Variants in NFXL1 observed in about 807,000 individuals in gnomAD.
The protein encoded by NFXL1 is nuclear transcription factor, X-box binding like 1.
In NFXL1, 66 loss-of-function variants were observed where a neutral mutation model predicts 123.3. That is an observed-to-expected ratio of 0.54 (90% confidence interval 0.44 to 0.66). NFXL1 has a LOEUF of 0.66. Ranked by LOEUF, NFXL1 falls within the 30% of genes least tolerant of loss-of-function variation. The pLI is 0.00. For synonymous variants in NFXL1, 346 were observed against 360.8 expected (o/e 0.96, Z 0.46); for missense variants, 944 against 1,125.6 (o/e 0.84, Z 2.31).
chr4:47,896,695 A>C, intron 9 of NFXL1, 48 bp from the exon 10 acceptor site: 2 of 1,359,180 alleles, frequency 1.5e-6, no homozygotes, highest in Non-Finnish European at 2.1e-6. Flanking sequence ...ATTATTATTA[A>C]ACATCAACAA....
At chr4:47,872,560 G>A (rs73244436) in intron 18 of NFXL1, among the ~76,000 whole-genome samples, 11,552 of 151,930 alleles carry the variant, frequency 0.076, 665 homozygotes, top group East Asian at 0.31. Context: ...TTAATATAGC[G>A]AATATCATAC....
At chr4:47,890,430 A>G (rs1736696276) in intron 12 of NFXL1, among the ~76,000 whole-genome samples, 183 bp downstream of exon 12, 1 of 152,124 alleles carries the variant, frequency 6.6e-6, no homozygotes, top group African/African-American at 2.4e-5. Flanking sequence ...TTAAGCTTCA[A>G]CCTCTTTGCC....
At position 47,862,431 on chromosome 4, in the gene NFXL1, T is replaced by G. The variant is rs185897342; in HGVS notation, c.2316+415A>C. ...GGATATGAATAGCCATCCTCGCACA[T>G]TATTCCACCACAGATGCACACACAT... On this transcript the variant is annotated intron_variant, in intron 19 of 22. Coordinates refer to ENST00000507489, the MANE Select transcript of NFXL1 (RefSeq NM_001278624.2). Among the ~76,000 whole-genome samples, 1,084 of 152,252 alleles carry G rather than the reference T, an allele frequency of 7.1e-3. 13 individuals carry two copies. Among genetic ancestry groups the G allele is most frequent in the African/African-American group, 0.024 (989 of 41,548 alleles).
chr4:47,904,119 T>C (rs1737460073), intron 4 of NFXL1, among the ~76,000 whole-genome samples: 1 of 152,170 alleles, frequency 6.6e-6, no homozygotes, highest in Non-Finnish European at 1.5e-5. Context: ...GTAAGGGGAC[T>C]AGACAGGGAA....
At chr4:47,911,398 A>T (rs970576416) in intron 2 of NFXL1, among the ~76,000 whole-genome samples, 1 of 152,240 alleles carries the variant, frequency 6.6e-6, no homozygotes, top group Non-Finnish European at 1.5e-5. Context: ...GAGCACATAA[A>T]GAATCAGGGA....
Position 47,875,207 on chromosome 4 carries a change from G to A in NFXL1, c.2166C>T (p.His722=), listed in dbSNP as rs547652154. The change falls in exon 18 of 23, where the codon CAC becomes CAT. Residue 722 remains histidine (H), a synonymous_variant. Transcript: ENST00000507489. ...GAACACAAGGTGGACATTCTCCAGG[G>A]TGACATCGCAAAATACATGGGTGAA... The part of the protein sequence containing the change: ...GCLHPCILRC[H]PGECPPCVQM... 1.6e-5 allele frequency: 26 copies of A among 1,612,550 alleles called. No individual in the cohort carries two copies. Among genetic ancestry groups the A allele is most frequent in the South Asian group, 6.6e-5 (6 of 91,008 alleles).
intron 2 of NFXL1, among the ~76,000 whole-genome samples, chr4:47,913,008 T>C (rs1397117564): frequency 1.7e-5 from 1 of 60,468 alleles, no homozygotes; most frequent in African/African-American, 6.4e-5. Flanking sequence ...CGAGACTCTG[T>C]CTCAAAAAAA....
chr4:47,866,931 C>T (rs1178377232), intron 18 of NFXL1, among the ~76,000 whole-genome samples: 1 of 152,202 alleles, frequency 6.6e-6, no homozygotes, highest in Non-Finnish European at 1.5e-5. Flanking sequence ...CAAGTGTTGT[C>T]ACAACTCAGT....
intron 2 of NFXL1, among the ~76,000 whole-genome samples, chr4:47,912,340 T>C (rs1194369832): frequency 6.6e-6 from 1 of 152,164 alleles, no homozygotes; most frequent in African/African-American, 2.4e-5. Context: ...GATAAATGTA[T>C]TCACCTAACA....
chr4:47,852,104 T>C (rs974651490), intron 20 of NFXL1, 162 bp from the exon 21 acceptor site: 40 of 467,876 alleles, frequency 8.5e-5, no homozygotes, highest in Non-Finnish European at 1.4e-4. Context: ...CTGCTTCAAA[T>C]AGTGATTACT....
At chr4:47,874,889 T>G (rs1402106717) in intron 18 of NFXL1, among the ~76,000 whole-genome samples, 1 of 152,170 alleles carries the variant, frequency 6.6e-6, no homozygotes, top group Non-Finnish European at 1.5e-5. Flanking sequence ...AACCATTTTT[T>G]TCATAACAAA....
intron 18 of NFXL1, among the ~76,000 whole-genome samples, chr4:47,865,188 T>C (rs1214639937): frequency 1.3e-5 from 2 of 152,226 alleles, no homozygotes; most frequent in East Asian, 3.8e-4. Flanking sequence ...AAAAACAGTT[T>C]GTGTTTTTTT....
At chr4:47,857,595 C>T (rs969984252) in intron 19 of NFXL1, among the ~76,000 whole-genome samples, 2 of 152,112 alleles carry the variant, frequency 1.3e-5, no homozygotes, top group African/African-American at 2.4e-5. Context: ...GGTCTTCTGC[C>T]TTCAATAAAT....
At chr4:47,875,869 C>T (rs1735716027) in intron 17 of NFXL1, among the ~76,000 whole-genome samples, 1 of 152,004 alleles carries the variant, frequency 6.6e-6, no homozygotes, top group South Asian at 2.1e-4. Flanking sequence ...ATAAATGTAC[C>T]TCAACGTAAC....
At chr4:47,888,512 A>G (rs1736581649) in intron 12 of NFXL1, among the ~76,000 whole-genome samples, 1 of 152,134 alleles carries the variant, frequency 6.6e-6, no homozygotes, top group Non-Finnish European at 1.5e-5. Context: ...GTTGTGACTA[A>G]TAAGCTTTTC....
chr4:47,913,656 A>G (rs1414045899), intron 2 of NFXL1, among the ~76,000 whole-genome samples: 1 of 152,230 alleles, frequency 6.6e-6, no homozygotes, highest in African/African-American at 2.4e-5. Context: ...GTGTTAACCA[A>G]ACAACATTAT....
intron 5 of NFXL1, among the ~76,000 whole-genome samples, chr4:47,902,319 TA>T (rs1467938632): frequency 6.6e-6 from 1 of 152,234 alleles, no homozygotes; most frequent in Non-Finnish European, 1.5e-5. Flanking sequence ...GGGCAGCCAA[TA>T]TGAATAAATT....
intron 11 of NFXL1, 88 bp from the exon 12 acceptor site, chr4:47,890,791 A>T (rs1736721808): frequency 1.5e-6 from 1 of 688,494 alleles, no homozygotes; most frequent in Non-Finnish European, 2.6e-6. Flanking sequence ...ACTTATGGAA[A>T]GCAAAAGATA....
chr4:47,903,200 A>G lies in NFXL1; in HGVS notation c.640T>C (p.Trp214Arg). Residue 214 changes from tryptophan to arginine, a missense_variant, in exon 5 of 23, where the codon TGG becomes CGG. Transcript: ENST00000507489. ...CTAATTAGAAAAAGTTACCAAGGCC[A>G]GGGACAATCTTTCTTTCCAAAATCA... ...DDDFGKKDCPWPCPKCRFEYK... is the reference protein window; with the variant it reads ...DDDFGKKDCPRPCPKCRFEYK... The G allele has an allele frequency of 6.3e-7, 1 of 1,583,330 alleles. No individual in the cohort carries two copies. Among genetic ancestry groups the G allele is most frequent in the Non-Finnish European group, 8.6e-7 (1 of 1,167,952 alleles).
Sources: allele counts gnomAD v4.1 joint callset (sites outside exome capture counted in the v4.1 genomes callset), GRCh38; gene constraint gnomAD v4.1.1; transcripts MANE v1.5; gene names NCBI Gene and HGNC (gene_info 2026-07-23, HGNC 2026-07-21).